The following DEFB119 variants were observed in gnomAD, a reference collection of about 807,000 sequenced individuals.
The protein encoded by DEFB119 is beta-defensin 119.
Under a neutral mutation model 2.5 loss-of-function variants are expected in DEFB119, and 3 were observed. The ratio of observed to expected loss-of-function variants is 1.19; its 90% CI spans 0.54 to 3.07. The LOEUF (loss-of-function observed/expected upper bound fraction) is 3.07, where lower values mean the gene tolerates loss of function less well. Among genes scored for constraint, DEFB119 ranks in the 30% most tolerant of loss-of-function variants. DEFB119 has a pLI of 0.03. For synonymous variants in DEFB119, 29 were observed against 33.7 expected, an observed-to-expected ratio of 0.86 and a Z score of 0.48; for missense variants, 113 against 101.1, an observed-to-expected ratio of 1.12 and a Z score of -0.50.
rs2122281397 is a variant in DEFB119 at position 31,377,304 on chromosome 20, G to C, written c.197C>G (p.Ser66Cys). ...CCAGTCGGTATTTTCCTCTTTGCCA[G>C]AAATGCTTATCCTCATGTAGGACTG... The part of the protein sequence containing the change: ...CLQSYMRISI[S>C]GKEENTDWSY... Residue 66 changes from serine (S) to cysteine (C), a missense_variant, in exon 2 of 2, where the codon TCT (serine) becomes TGT (cysteine). Transcript: ENST00000376321. 1 of 1,614,026 alleles carries C rather than the reference G, an allele frequency of 6.2e-7. No individual in the cohort carries two copies. The highest frequency in any genetic ancestry group is 2.2e-5 in the East Asian group (1 of 44,880).
chr20:31,389,004 C>A, intron 1 of DEFB119: 1 of 1,613,076 alleles, frequency 6.2e-7, no homozygotes, highest in Non-Finnish European at 8.5e-7. Context: ...GGACCCTAAG[C>A]AACCTGAAAC....
intron 1 of DEFB119, chr20:31,389,075 G>A (rs772844037): frequency 6.2e-7 from 1 of 1,614,176 alleles, no homozygotes; most frequent in Non-Finnish European, 8.5e-7. Flanking sequence ...GTGGACATCT[G>A]AGGAGTGGTC....
At chr20:31,383,369 C>T (rs1356228623) in intron 1 of DEFB119, among the ~76,000 whole-genome samples, 1 of 151,792 alleles carries the variant, frequency 6.6e-6, no homozygotes, top group African/African-American at 2.4e-5. Context: ...ATGGTGAAAC[C>T]TTGTCTCTAC....
chr20:31,381,961 G>A (rs764368857), intron 1 of DEFB119, among the ~76,000 whole-genome samples: 22 of 152,254 alleles, frequency 1.4e-4, no homozygotes, highest in African/African-American at 4.8e-4. Flanking sequence ...CATAGTGACA[G>A]TGGGTGGGGA....
At chr20:31,385,129 C>T (rs1986645619) in intron 1 of DEFB119, among the ~76,000 whole-genome samples, 1 of 152,164 alleles carries the variant, frequency 6.6e-6, no homozygotes, top group East Asian at 1.9e-4. Flanking sequence ...TATTATTCTG[C>T]TAGATGGAGA....
intron 1 of DEFB119, among the ~76,000 whole-genome samples, chr20:31,383,844 A>AAAATAAATAAAT (rs528889341): frequency 5.9e-5 from 9 of 151,620 alleles, no homozygotes; most frequent in African/African-American, 1.9e-4. Context: ...CTCTGTCTCA[A>AAAATAAATAAAT]AAATAAATAA....
At chr20:31,386,030 G>A (rs1168133881) in intron 1 of DEFB119, among the ~76,000 whole-genome samples, 1 of 152,094 alleles carries the variant, frequency 6.6e-6, no homozygotes, top group Admixed American at 6.5e-5. Context: ...CGCAATGTAG[G>A]GGGCAGGAGA....
intron 1 of DEFB119, among the ~76,000 whole-genome samples, chr20:31,382,205 CTT>C (rs1986528973): frequency 1.3e-5 from 2 of 152,174 alleles, no homozygotes; most frequent in African/African-American, 2.4e-5. Context: ...GGACCTCTCT[CTT>C]GTAACTTCCT....
chr20:31,386,027 T>C (rs116901397), intron 1 of DEFB119, among the ~76,000 whole-genome samples: 4 of 151,858 alleles, frequency 2.6e-5, no homozygotes, highest in East Asian at 1.9e-4. Flanking sequence ...AAACGCAATG[T>C]AGGGGGCAGG....
intron 1 of DEFB119, chr20:31,389,064 T>C: frequency 6.2e-7 from 1 of 1,614,222 alleles, no homozygotes; most frequent in Non-Finnish European, 8.5e-7. Context: ...TTGGAGCTGT[T>C]GTGGACATCT....
rs534435146 is a variant in DEFB119, at chr20:31,388,181, C to T, written c.61+2242G>A. 2.8e-5 allele frequency: 28 copies of T among 983,908 alleles called. No individual in the cohort carries two copies. In the South Asian group the frequency reaches 1.3e-3, roughly 45 times the overall value. 60.9% of individuals were successfully genotyped at this position (983,908 alleles called of 1,614,324 possible). On this transcript the variant is annotated intron_variant, in intron 1 of 1. Transcript: ENST00000376321. The stretch of plus-strand genomic sequence containing the variant: ...AATGTTCCCCATGAGTGAGTCTTCT[C>T]CCCAGCTAAAGTACCAATTCAAATG...
At chr20:31,383,856 T>C (rs1192896473) in intron 1 of DEFB119, among the ~76,000 whole-genome samples, 1 of 151,726 alleles carries the variant, frequency 6.6e-6, no homozygotes, top group African/African-American at 2.4e-5. Flanking sequence ...AATAAATAAA[T>C]AAATAAATAA....
chr20:31,377,679 G>A (rs1485565837), intron 1 of DEFB119, among the ~76,000 whole-genome samples: 1 of 151,940 alleles, frequency 6.6e-6, no homozygotes, highest in East Asian at 1.9e-4. Flanking sequence ...CACTCTGAAA[G>A]GTAAAGTAAA....
intron 1 of DEFB119, among the ~76,000 whole-genome samples, chr20:31,389,684 C>T (rs929595008): frequency 2.6e-5 from 4 of 152,056 alleles, no homozygotes; most frequent in Admixed American, 6.6e-5. Flanking sequence ...CAGCTCCAGC[C>T]GCATCCCAAT....
At chr20:31,379,660 AT>A (rs35167239) in intron 1 of DEFB119, among the ~76,000 whole-genome samples, 12,517 of 136,952 alleles carry the variant, frequency 0.091, 558 homozygotes, top group Middle Eastern at 0.16. Context: ...CACCCAACTA[AT>A]TTTTTTTTTT....
At chr20:31,385,989 T>C (rs1986687807) in intron 1 of DEFB119, among the ~76,000 whole-genome samples, 1 of 151,994 alleles carries the variant, frequency 6.6e-6, no homozygotes, top group Non-Finnish European at 1.5e-5. Flanking sequence ...AGCTGAGTGT[T>C]GGGGACCAGC....
chr20:31,377,195 T>G lies in DEFB119; in HGVS notation c.*51A>C. 1 of 1,522,190 alleles carries G rather than the reference T, an allele frequency of 6.6e-7. No individual in the cohort carries two copies. The highest frequency in any genetic ancestry group is 8.8e-7 in the Non-Finnish European group (1 of 1,130,894). 94.3% of individuals were successfully genotyped at this position (1,522,190 alleles called of 1,614,324 possible). A position where few individuals can be genotyped will look rare whatever the true frequency, so the allele number is the denominator to read the frequency against. ...GCACATGAATTTTAATGAGGGGGGT[T>G]GACAGCAGGTCTCTGTGCCCAGAGA... On this transcript the variant is annotated 3_prime_UTR_variant, in exon 2 of 2. Coordinates refer to ENST00000376321, the MANE Select transcript of DEFB119 (RefSeq NM_153289.4).
intron 1 of DEFB119, among the ~76,000 whole-genome samples, chr20:31,383,403 G>C (rs140389760): frequency 1.3e-5 from 2 of 151,896 alleles, no homozygotes; most frequent in African/African-American, 4.8e-5. Flanking sequence ...AATTAGCCAG[G>C]CATAGTGGTG....
intron 1 of DEFB119, among the ~76,000 whole-genome samples, chr20:31,384,828 T>G (rs1013515300): frequency 1.3e-5 from 2 of 152,218 alleles, no homozygotes; most frequent in Non-Finnish European, 2.9e-5. Flanking sequence ...TCACTTCATG[T>G]GAGTGGTAAG....
Sources: allele counts gnomAD v4.1 joint callset (sites outside exome capture counted in the v4.1 genomes callset), GRCh38; gene constraint gnomAD v4.1.1; transcripts MANE v1.5; gene names NCBI Gene and HGNC (gene_info 2026-07-23, HGNC 2026-07-21).